Variants in ACTR3C observed in about 807,000 individuals in gnomAD.
The protein encoded by ACTR3C is actin related protein 3C.
In ACTR3C, 18 loss-of-function variants were observed where a neutral mutation model predicts 26.3. That is an observed-to-expected ratio of 0.68 (90% CI 0.47 to 1.01). The LOEUF (loss-of-function observed/expected upper bound fraction) is 1.01, where lower values mean the gene tolerates loss of function less well. ACTR3C is among the 50% of genes least tolerant of loss of function. ACTR3C has a pLI of 0.00. For missense variants in ACTR3C, 184 were observed against 250.7 expected (o/e 0.73, Z 1.80); for synonymous variants, 55 against 94.5 (o/e 0.58, Z 2.42).
At chr7:150,308,472 T>A (rs768197629) in intron 1 of ACTR3C, among the ~76,000 whole-genome samples, 2 of 152,160 alleles carry the variant, frequency 1.3e-5, no homozygotes, top group Non-Finnish European at 2.9e-5. Flanking sequence ...GCAAATGGTC[T>A]GAGGTGCCTT....
chr7:150,106,989 G>A, the ACTR3C span, among the ~76,000 whole-genome samples: 1 of 144,776 alleles, frequency 6.9e-6, no homozygotes, highest in Admixed American at 6.8e-5. Context: ...GATCATTGAG[G>A]TGATATAACT....
the ACTR3C span, among the ~76,000 whole-genome samples, chr7:150,238,787 T>G: frequency 6.7e-6 from 1 of 149,316 alleles, no homozygotes; most frequent in South Asian, 2.1e-4. Flanking sequence ...CTAATGTTTT[T>G]TTCTTTGACT....
the ACTR3C span, among the ~76,000 whole-genome samples, chr7:149,894,612 A>C: frequency 6.6e-6 from 1 of 152,226 alleles, no homozygotes. Flanking sequence ...AAGACATACA[A>C]ATGGCCAACA....
chr7:149,887,027 A>G, the ACTR3C span, among the ~76,000 whole-genome samples: 3 of 152,166 alleles, frequency 2.0e-5, no homozygotes, highest in South Asian at 2.1e-4. Context: ...GAGTAGGGCA[A>G]TGAACAGTGT....
the ACTR3C span, among the ~76,000 whole-genome samples, chr7:150,232,965 G>A: frequency 6.6e-5 from 10 of 151,868 alleles, no homozygotes; most frequent in African/African-American, 1.2e-4. Flanking sequence ...TACCATCATC[G>A]TATTATTACT....
the ACTR3C span, among the ~76,000 whole-genome samples, chr7:150,157,129 A>T: frequency 3.2e-4 from 43 of 134,752 alleles, no homozygotes; most frequent in African/African-American, 1.2e-3. Flanking sequence ...ATGTCATGCA[A>T]ACTTGCTTTT....
the ACTR3C span, among the ~76,000 whole-genome samples, chr7:150,091,987 C>CAAAAAAAAAAAAA: frequency 2.1e-4 from 4 of 19,416 alleles, no homozygotes; most frequent in Non-Finnish European, 3.1e-4. Flanking sequence ...GACTCCGTCT[C>CAAAAAAAAAAAAA]AAAAAAAAAA....
At chr7:150,221,021 G>A in the ACTR3C span, among the ~76,000 whole-genome samples, 3 of 152,414 alleles carry the variant, frequency 2.0e-5, no homozygotes, top group African/African-American at 7.2e-5. Context: ...CCACTGCACA[G>A]GCGAAAGAGA....
chr7:150,233,831 G>A, the ACTR3C span, among the ~76,000 whole-genome samples: 4 of 151,972 alleles, frequency 2.6e-5, no homozygotes, highest in Non-Finnish European at 5.9e-5. Context: ...GTCTGGTTCT[G>A]ATGCTTGCTT....
chr7:150,258,102 A>G (rs1833353499), intron 6 of ACTR3C, among the ~76,000 whole-genome samples: 1 of 152,096 alleles, frequency 6.6e-6, no homozygotes, highest in Non-Finnish European at 1.5e-5. Flanking sequence ...ATGCTGCTTA[A>G]CATCTATAAC....
At chr7:150,017,040 C>A in the ACTR3C span, among the ~76,000 whole-genome samples, 2 of 151,954 alleles carry the variant, frequency 1.3e-5, no homozygotes, top group Non-Finnish European at 2.9e-5. Flanking sequence ...TAAGTAGGAA[C>A]CTGGGAGCAG....
chr7:149,887,562 C>T, the ACTR3C span, among the ~76,000 whole-genome samples: 1 of 152,204 alleles, frequency 6.6e-6, no homozygotes, highest in Non-Finnish European at 1.5e-5. Context: ...AAACTGGCTC[C>T]CAGAGCTGCC....
chr7:150,282,881 C>T lies in ACTR3C; in HGVS notation c.564+1872G>A, dbSNP rs542441526. Among the ~76,000 whole-genome samples the T allele has an allele frequency of 5.1e-4, 75 of 148,484 alleles. 3 individuals carry two copies. The highest frequency in any genetic ancestry group is 1.8e-3 in the African/African-American group (70 of 38,042). ...ACAAAAAGAAGAATCCTCTTCCCTC[C>T]GCATTTTACATAATTTTCAGTGTGA... On this transcript the variant is annotated intron_variant, in intron 6 of 7. Coordinates refer to ENST00000683684, the MANE Select transcript of ACTR3C (RefSeq NM_001164458.2).
chr7:150,129,642 TA>T, the ACTR3C span, among the ~76,000 whole-genome samples: 2 of 152,148 alleles, frequency 1.3e-5, no homozygotes, highest in Non-Finnish European at 2.9e-5. Flanking sequence ...TGAATAATCT[TA>T]AAAATATAAT....
the ACTR3C span, among the ~76,000 whole-genome samples, chr7:149,902,207 T>A: frequency 1.3e-5 from 2 of 151,906 alleles, no homozygotes; most frequent in African/African-American, 4.8e-5. Flanking sequence ...TGTTAGATAT[T>A]TTTACTAAAG....
chr7:150,137,501 A>G, the ACTR3C span, among the ~76,000 whole-genome samples: 401 of 151,172 alleles, frequency 2.7e-3, 1 homozygote, highest in Admixed American at 6.5e-3. Flanking sequence ...CTTTCTTTTC[A>G]CCTCTTCTGC....
chr7:150,246,297 A>G (rs1191579989), downstream of ACTR3C: 1 of 152,088 alleles, frequency 6.6e-6, no homozygotes, highest in African/African-American at 2.4e-5. Context: ...ATTCTACAAA[A>G]CCCTGTTAAA....
At chr7:149,926,576 A>G in the ACTR3C span, among the ~76,000 whole-genome samples, 2,355 of 151,916 alleles carry the variant, frequency 0.016, 74 homozygotes, top group African/African-American at 0.054. Flanking sequence ...CATTGCACAC[A>G]TGTTGTCACA....
chr7:150,033,714 C>G, the ACTR3C span, among the ~76,000 whole-genome samples: 1 of 148,798 alleles, frequency 6.7e-6, no homozygotes, highest in Non-Finnish European at 1.5e-5. Flanking sequence ...TACTAACAAC[C>G]AGGGGCGGAA....
Sources: gnomAD v4.1 joint callset for allele counts (sites outside exome capture counted in the v4.1 genomes callset) on GRCh38, gnomAD v4.1.1 for gene constraint, MANE v1.5 for transcripts, NCBI Gene and HGNC (gene_info 2026-07-23, HGNC 2026-07-21) for gene names.